The following CEP112 variants were observed in gnomAD, a reference collection of about 807,000 sequenced individuals.
The protein encoded by CEP112 is centrosomal protein of 112 kDa.
A neutral mutation model predicts 153.0 loss-of-function variants in CEP112; 127 were observed. That is an observed-to-expected ratio of 0.83 (90% CI 0.72 to 0.96). The LOEUF (loss-of-function observed/expected upper bound fraction) is 0.96. Among genes scored for constraint, CEP112 ranks in the 40% least tolerant of loss-of-function variants. The pLI is 0.00. For missense variants in CEP112, 1,089 were observed against 1,101.2 expected (o/e 0.99, Z 0.16); for synonymous variants, 358 against 374.4 (o/e 0.96, Z 0.51).
chr17:65,786,889 C>G (rs2054307923), intron 21 of CEP112, among the ~76,000 whole-genome samples: 1 of 152,134 alleles, frequency 6.6e-6, no homozygotes, highest in African/African-American at 2.4e-5. Context: ...CTGGCCTTAG[C>G]CAATTCTTTT....
chr17:66,086,246 A>C (rs1232657964), intron 8 of CEP112, among the ~76,000 whole-genome samples: 1 of 152,108 alleles, frequency 6.6e-6, no homozygotes, highest in Non-Finnish European at 1.5e-5. Flanking sequence ...TTAGATGAGA[A>C]CATGCACAAG....
intron 23 of CEP112, among the ~76,000 whole-genome samples, chr17:65,741,446 A>AT (rs1339632979): frequency 6.6e-6 from 1 of 151,426 alleles, no homozygotes; most frequent in Non-Finnish European, 1.5e-5. Context: ...TTCAGGTAAC[A>AT]TATGGTACAT....
chr17:65,647,098 A>C (rs1338342567), intron 24 of CEP112, among the ~76,000 whole-genome samples: 1 of 152,062 alleles, frequency 6.6e-6, no homozygotes, highest in Non-Finnish European at 1.5e-5. Context: ...GATACATGTA[A>C]ATTTGTCACA....
At chr17:66,063,412 C>A (rs2066997649) in intron 10 of CEP112, among the ~76,000 whole-genome samples, 1 of 151,878 alleles carries the variant, frequency 6.6e-6, no homozygotes, top group Admixed American at 6.6e-5. Context: ...AACCAAATAC[C>A]ATATGTTTTT....
At chr17:66,066,209 G>A (rs935064250) in intron 10 of CEP112, among the ~76,000 whole-genome samples, 2 of 152,044 alleles carry the variant, frequency 1.3e-5, no homozygotes, top group African/African-American at 2.4e-5. Flanking sequence ...TCCTCATGCC[G>A]GACTTTCCAT....
chr17:66,057,255 A>G (rs2066729792), intron 11 of CEP112, among the ~76,000 whole-genome samples: 2 of 152,198 alleles, frequency 1.3e-5, no homozygotes, highest in African/African-American at 4.8e-5. Context: ...GAAGAGTGGT[A>G]GATACATTCA....
chr17:65,939,515 A>G (rs1048199260), intron 18 of CEP112, among the ~76,000 whole-genome samples: 1 of 152,246 alleles, frequency 6.6e-6, no homozygotes, highest in Non-Finnish European at 1.5e-5. Flanking sequence ...ACATTAATCA[A>G]AACAGCATGG....
chr17:65,688,773 GT>G (rs34940568), intron 24 of CEP112: 77,757 of 160,744 alleles, frequency 0.48, 18,964 homozygotes, highest in African/African-American at 0.59. Flanking sequence ...GTGTAAACTT[GT>G]TTTTTTTTTT....
intron 19 of CEP112, among the ~76,000 whole-genome samples, chr17:65,910,311 A>G (rs2060238070): frequency 6.6e-6 from 1 of 152,198 alleles, no homozygotes; most frequent in South Asian, 2.1e-4. Context: ...AAGAGAATTC[A>G]TGAATATTAT....
chr17:66,060,337 A>C (rs1219386330), intron 11 of CEP112, among the ~76,000 whole-genome samples: 1 of 152,176 alleles, frequency 6.6e-6, no homozygotes, highest in Non-Finnish European at 1.5e-5. Flanking sequence ...TATTCAAAGC[A>C]ATATACAGAT....
At chr17:66,068,900 C>T (rs2067214224) in intron 9 of CEP112, among the ~76,000 whole-genome samples, 1 of 151,710 alleles carries the variant, frequency 6.6e-6, no homozygotes, top group Non-Finnish European at 1.5e-5. Context: ...TGATAGAGAA[C>T]TATTATCTAA....
At chr17:65,984,537 A>C (rs2145174744) in intron 17 of CEP112, among the ~76,000 whole-genome samples, 1 of 152,304 alleles carries the variant, frequency 6.6e-6, no homozygotes, top group South Asian at 2.1e-4. Context: ...AGACCGACAA[A>C]ACAGACAAGA....
At chr17:66,157,292 A>T (rs1285527368) in intron 4 of CEP112, among the ~76,000 whole-genome samples, 1 of 152,206 alleles carries the variant, frequency 6.6e-6, no homozygotes, top group Non-Finnish European at 1.5e-5. Flanking sequence ...TTCATAAGTG[A>T]AGGAGAAATA....
rs150841318 is a variant in CEP112, at chr17:65,752,014, TCATCCATCCATC to T, written c.2395-1302_2395-1291del. On this transcript the variant is annotated intron_variant, in intron 21 of 26. Coordinates refer to ENST00000535342, the MANE Select transcript of CEP112 (RefSeq NM_001199165.4). ...TCTATCTATCTATCTACTGTTCCTT[TCATCCATCCATC>T]CATCCATCCATCCATCCATCCATCC... Among the ~76,000 whole-genome samples the T allele has an allele frequency of 4.6e-3, 375 of 81,056 alleles. 3 individuals carry two copies. The highest frequency in any genetic ancestry group is 0.015 in the African/African-American group (301 of 19,696). The allele number at this position is 81,056 out of a possible 152,430, so 53.2% of individuals were successfully genotyped here. A position where few individuals can be genotyped will look rare whatever the true frequency, so the allele number is the denominator to read the frequency against.
At chr17:65,709,638 A>C (rs1385575297) in intron 23 of CEP112, among the ~76,000 whole-genome samples, 1 of 152,144 alleles carries the variant, frequency 6.6e-6, no homozygotes, top group Admixed American at 6.5e-5. Flanking sequence ...ACACTGCAAA[A>C]CCATATCAAT....
chr17:65,904,706 T>C (rs901065264), intron 19 of CEP112, among the ~76,000 whole-genome samples: 7 of 152,152 alleles, frequency 4.6e-5, no homozygotes, highest in Non-Finnish European at 7.3e-5. Context: ...CAAACTATAC[T>C]ATGAGGCTAC....
chr17:65,989,177 G>A lies in CEP112; in HGVS notation c.1736+16513C>T, dbSNP rs2063504496. 2.0e-5 allele frequency among the ~76,000 whole-genome samples: 3 copies of A among 150,492 alleles called. No homozygotes were observed. The South Asian group carries it at 6.3e-4, about 32-fold the overall frequency. On this transcript the variant is annotated intron_variant, in intron 17 of 26. Coordinates refer to ENST00000535342, the MANE Select transcript of CEP112 (RefSeq NM_001199165.4). The stretch of plus-strand genomic sequence containing the variant: ...ATGAACCCAGGAGTCAGAGCTTGCA[G>A]TGAACCAAGATTGCACCATTGCACT...
chr17:65,666,192 G>A (rs2046682288), intron 24 of CEP112, among the ~76,000 whole-genome samples: 1 of 152,208 alleles, frequency 6.6e-6, no homozygotes, highest in East Asian at 1.9e-4. Context: ...TTATCCCCAG[G>A]CTACCGCCTG....
At chr17:65,828,091 G>A (rs1480520563) in intron 21 of CEP112, among the ~76,000 whole-genome samples, 3 of 152,200 alleles carry the variant, frequency 2.0e-5, no homozygotes, top group African/African-American at 2.4e-5. Flanking sequence ...GAGGGGACAG[G>A]AATATATGCC....
Sources: allele counts gnomAD v4.1 joint callset (sites outside exome capture counted in the v4.1 genomes callset), GRCh38; gene constraint gnomAD v4.1.1; transcripts MANE v1.5; gene names NCBI Gene and HGNC (gene_info 2026-07-23, HGNC 2026-07-21).